Variants in GRM1 observed in about 807,000 individuals in gnomAD.
GRM1 encodes the protein metabotropic glutamate receptor 1.
GRM1 carries 33 observed loss-of-function variants against 90.9 expected under a neutral mutation model. The ratio of observed to expected loss-of-function variants is 0.36; its 90% CI spans 0.28 to 0.49. The LOEUF (loss-of-function observed/expected upper bound fraction) is 0.49. Ranked by LOEUF, GRM1 falls within the 20% of genes least tolerant of loss-of-function variation. GRM1 has a pLI of 0.99. For synonymous variants in GRM1, 700 were observed against 613.2 expected (o/e 1.14, Z -2.09); for missense variants, 1,190 against 1,534.3 (o/e 0.78, Z 3.75).
intron 1 of GRM1, among the ~76,000 whole-genome samples, chr6:146,154,242 A>G (rs1777441058): frequency 6.6e-6 from 1 of 152,202 alleles, no homozygotes; most frequent in South Asian, 2.1e-4. Flanking sequence ...TTGTAACACA[A>G]TCTTCTGACA....
chr6:146,191,848 G>A (rs1326848710), intron 2 of GRM1, among the ~76,000 whole-genome samples: 1 of 152,030 alleles, frequency 6.6e-6, no homozygotes, highest in African/African-American at 2.4e-5. Context: ...TCTGGTCCGT[G>A]ACAGATTAAC....
intron 7 of GRM1, 26 bp from the exon 8 acceptor site, chr6:146,433,842 CAAAT>C (rs1562698753): frequency 6.9e-7 from 1 of 1,452,912 alleles, no homozygotes; most frequent in Non-Finnish European, 9.7e-7. Context: ...GATCTATCTG[CAAAT>C]AAATCCATCT....
In GRM1 at chr6:146,399,428, A is replaced by T; in HGVS notation, c.2389A>T (p.Ile797Phe). The T allele has an allele frequency of 6.2e-7, 1 of 1,614,186 alleles. No homozygotes were observed. The highest frequency in any genetic ancestry group is 8.5e-7 in the Non-Finnish European group (1 of 1,180,046). The part of the protein sequence containing the change: ...IAFTMYTTCI[I>F]WLAFVPIYFG... ...GTTCACCATGTACACCACCTGTATC[A>T]TCTGGCTAGCTTTTGTGCCCATTTA... The change falls in exon 7 of 8, where the codon ATC becomes TTC. Residue 797 changes from isoleucine (I) to phenylalanine (F), a missense_variant. Coordinates refer to ENST00000282753, the MANE Select transcript of GRM1 (RefSeq NM_001278064.2). The surrounding 1 kb of genome is among the most constrained non-coding windows in gnomAD (Gnocchi z 5.4).
intron 6 of GRM1, among the ~76,000 whole-genome samples, chr6:146,396,104 C>CTATCTATCTATCT (rs1554307314): frequency 2.0e-5 from 3 of 147,014 alleles, no homozygotes; most frequent in South Asian, 4.4e-4. Context: ...ATCTATCTAT[C>CTATCTATCTATCT]GTCTATATAT....
intron 1 of GRM1, among the ~76,000 whole-genome samples, chr6:146,142,247 CCAAA>C (rs1286515490): frequency 6.6e-6 from 1 of 152,170 alleles, no homozygotes; most frequent in Non-Finnish European, 1.5e-5. Context: ...TTACTTTCTC[CCAAA>C]CAAATAGAGT....
intron 7 of GRM1, among the ~76,000 whole-genome samples, chr6:146,407,634 G>A (rs1777393207): frequency 2.0e-5 from 3 of 152,086 alleles, no homozygotes; most frequent in Non-Finnish European, 4.4e-5. Flanking sequence ...GGCCCAAGGT[G>A]GGTACATTCA....
At position 146,029,609 on chromosome 6, in the gene GRM1, G is replaced by A. The variant is rs558777976; in HGVS notation, c.92G>A (p.Gly31Glu). Reference protein sequence around the residue: ...RSPGRKVLLAGASSQRSVARM... With the variant: ...RSPGRKVLLAEASSQRSVARM... ...CCCGGCAGGAAAGTGTTGCTGGCAG[G>A]AGCGTCGTCTCAGCGCTCGGTGGCC... Residue 31 changes from glycine (G) to glutamate (E), a missense_variant, in exon 1 of 8, where the codon GGA (glycine) becomes GAA (glutamate). This residue lies in a region of GRM1 where 44 missense variants were observed against 35.8 expected (regional missense o/e 1.23). Coordinates refer to ENST00000282753, the MANE Select transcript of GRM1 (RefSeq NM_001278064.2). The A allele has an allele frequency of 2.5e-6, 4 of 1,614,114 alleles. No individual in the cohort carries two copies. Among genetic ancestry groups the A allele is most frequent in the East Asian group, 2.2e-5 (1 of 44,872 alleles).
At chr6:146,172,475 A>C (rs1778167947) in intron 2 of GRM1, among the ~76,000 whole-genome samples, 1 of 152,224 alleles carries the variant, frequency 6.6e-6, no homozygotes, top group Admixed American at 6.5e-5. Context: ...GAGCATGGAC[A>C]TCTTTGACTG....
rs34212976 is a variant in GRM1 at position 146,068,114 on chromosome 6, AT to A, written c.700+37912del. On this transcript the variant is annotated intron_variant, in intron 1 of 7. Coordinates refer to ENST00000282753, the MANE Select transcript of GRM1 (RefSeq NM_001278064.2). Reference sequence around the variant, plus strand: ...TTAAATATCATTGAACCTTCAAATAATTTTTTTTTTTTTTTGAGACGGAGTC... The same window carrying A: ...TTAAATATCATTGAACCTTCAAATAATTTTTTTTTTTTTTGAGACGGAGTC... Among the ~76,000 whole-genome samples the A allele has an allele frequency of 3.9e-3, 573 of 146,006 alleles. 5 individuals are homozygous for A. The highest frequency in any genetic ancestry group is 0.012 in the African/African-American group (471 of 39,708).
At chr6:146,245,226 G>C (rs1781015141) in intron 2 of GRM1, among the ~76,000 whole-genome samples, 1 of 152,152 alleles carries the variant, frequency 6.6e-6, no homozygotes. Flanking sequence ...GGGCAAGAAT[G>C]GTGATATAAA....
chr6:146,376,238 G>A (rs989679084), intron 5 of GRM1, among the ~76,000 whole-genome samples: 1 of 151,998 alleles, frequency 6.6e-6, no homozygotes, highest in African/African-American at 2.4e-5. Context: ...TATTGACTAT[G>A]TCTTGAAAAG....
chr6:146,164,187 T>C (rs1053089349), intron 2 of GRM1, among the ~76,000 whole-genome samples: 3 of 152,144 alleles, frequency 2.0e-5, no homozygotes, highest in Non-Finnish European at 4.4e-5. Context: ...GCTATTAATA[T>C]ATGTTGTCTC....
chr6:146,114,767 A>G (rs1359089252), intron 1 of GRM1, among the ~76,000 whole-genome samples: 1 of 152,152 alleles, frequency 6.6e-6, no homozygotes, highest in African/African-American at 2.4e-5. Flanking sequence ...TATTCATCCA[A>G]CAAATAGACT....
chr6:146,414,476 G>T lies in GRM1; in HGVS notation c.2660+14777G>T, dbSNP rs551402350. Among the ~76,000 whole-genome samples the T allele has an allele frequency of 1.1e-3, 174 of 151,662 alleles. 2 individuals carry two copies. The Middle Eastern group carries it at 0.031, about 27-fold the overall frequency. ...TGGAGTGGAGTGGCACGATCTCGGC[G>T]CACTGCAAGCTCCGCCTCCGGGTTC... On this transcript the variant is annotated intron_variant, in intron 7 of 7. Transcript: ENST00000282753.
At chr6:146,119,453 C>T (rs899545030) in intron 1 of GRM1, among the ~76,000 whole-genome samples, 1 of 152,188 alleles carries the variant, frequency 6.6e-6, no homozygotes, top group Non-Finnish European at 1.5e-5. Context: ...AATTAGATCC[C>T]ATTTGTCAAT....
chr6:146,420,539 G>A (rs1029182988), intron 7 of GRM1, among the ~76,000 whole-genome samples: 1 of 152,198 alleles, frequency 6.6e-6, no homozygotes, highest in African/African-American at 2.4e-5. Flanking sequence ...AGGCAAGATA[G>A]CACTTTCTAG....
At chr6:146,218,777 G>C (rs141851696) in intron 2 of GRM1, among the ~76,000 whole-genome samples, 129 of 152,220 alleles carry the variant, frequency 8.5e-4, no homozygotes, top group African/African-American at 2.9e-3. Context: ...ATTTCTGGAG[G>C]CTCACTAGGT....
chr6:146,134,814 C>T (rs539096245), intron 1 of GRM1, among the ~76,000 whole-genome samples: 2 of 152,228 alleles, frequency 1.3e-5, no homozygotes, highest in South Asian at 4.2e-4. Context: ...GCCTGTAGTC[C>T]CAGCTACTCG....
intron 7 of GRM1, among the ~76,000 whole-genome samples, chr6:146,405,989 A>G (rs1777334018): frequency 6.6e-6 from 1 of 152,236 alleles, no homozygotes; most frequent in Non-Finnish European, 1.5e-5. Context: ...TTATACTGCA[A>G]TAAGTTGAGG....
Sources: gnomAD v4.1 joint callset for allele counts (sites outside exome capture counted in the v4.1 genomes callset) on GRCh38, gnomAD v4.1.1 for gene constraint, gnomAD v4.1.1 regional missense constraint, Gnocchi (gnomAD v3.1) non-coding constraint, MANE v1.5 for transcripts, NCBI Gene and HGNC (gene_info 2026-07-23, HGNC 2026-07-21) for gene names.